Variants in GRIP1 observed in about 807,000 individuals in gnomAD.
The protein encoded by GRIP1 is glutamate receptor-interacting protein 1.
Under a neutral mutation model 129.9 loss-of-function variants are expected in GRIP1, and 45 were observed. That is an observed-to-expected ratio of 0.35 (90% CI 0.27 to 0.44). The LOEUF is 0.44. Among genes scored for constraint, GRIP1 ranks in the 20% least tolerant of loss-of-function variants. The pLI, the probability that GRIP1 is intolerant of heterozygous loss-of-function variation, is 1.00. For missense variants in GRIP1, 1,196 were observed against 1,396.8 expected, an observed-to-expected ratio of 0.86 and a Z score of 2.29; for synonymous variants, 530 against 520.8, an observed-to-expected ratio of 1.02 and a Z score of -0.24.
intron 1 of GRIP1, among the ~76,000 whole-genome samples, chr12:67,066,888 T>TATATATATATATATA (rs2043635570): frequency 8.0e-5 from 10 of 125,658 alleles, no homozygotes; most frequent in East Asian, 2.4e-4. Flanking sequence ...AAATATATAT[T>TATATATATATATATA]TATATATATA....
intron 1 of GRIP1, among the ~76,000 whole-genome samples, chr12:67,010,212 A>G (rs1431303751): frequency 2.6e-5 from 4 of 152,202 alleles, no homozygotes; most frequent in African/African-American, 9.6e-5. Flanking sequence ...ATAAAAGAAA[A>G]AAATTTAAAT....
intron 1 of GRIP1, among the ~76,000 whole-genome samples, chr12:67,011,900 G>T (rs1455838762): frequency 6.6e-6 from 1 of 152,182 alleles, no homozygotes; most frequent in Admixed American, 6.5e-5. Context: ...AAAAGCAAAA[G>T]AACAGGCCTT....
At chr12:66,446,004 C>T (rs940475140) in intron 11 of GRIP1, among the ~76,000 whole-genome samples, 1 of 152,034 alleles carries the variant, frequency 6.6e-6, no homozygotes, top group Non-Finnish European at 1.5e-5. Flanking sequence ...TAAATCTGGC[C>T]CCTGGCGTGG....
At chr12:66,676,789 T>C (rs1379954796) in intron 1 of GRIP1, among the ~76,000 whole-genome samples, 2 of 152,126 alleles carry the variant, frequency 1.3e-5, no homozygotes, top group Non-Finnish European at 2.9e-5. Flanking sequence ...AGAAAGGTCA[T>C]TTTAATATTG....
intron 1 of GRIP1, among the ~76,000 whole-genome samples, chr12:66,889,891 A>G (rs2040628331): frequency 1.3e-5 from 2 of 152,018 alleles, no homozygotes; most frequent in Admixed American, 6.6e-5. Context: ...ATTAAATTTC[A>G]TAGAGAGGTA....
intron 23 of GRIP1, among the ~76,000 whole-genome samples, chr12:66,370,617 C>CA (rs1293557179): frequency 3.3e-5 from 5 of 152,258 alleles, no homozygotes; most frequent in Middle Eastern, 6.8e-3. Flanking sequence ...TTATTAACCA[C>CA]AAAAAATGTC....
intron 1 of GRIP1, among the ~76,000 whole-genome samples, chr12:66,620,831 C>T (rs1030990767): frequency 4.4e-4 from 67 of 151,984 alleles, no homozygotes; most frequent in Non-Finnish European, 5.9e-4. Context: ...AAGAGTGGTG[C>T]ATAAGCTGCT....
At chr12:66,501,681 C>T (rs2060397882) in intron 7 of GRIP1, among the ~76,000 whole-genome samples, 1 of 152,168 alleles carries the variant, frequency 6.6e-6, no homozygotes, top group Non-Finnish European at 1.5e-5. Flanking sequence ...CCTCCCCTGA[C>T]AGAATTCAGT....
intron 1 of GRIP1, among the ~76,000 whole-genome samples, chr12:66,778,691 AAATG>A (rs1455233789): frequency 1.3e-5 from 2 of 152,228 alleles, no homozygotes; most frequent in Admixed American, 1.3e-4. Context: ...AACTGGAGTC[AAATG>A]AAGAAATGAA....
At chr12:66,727,305 C>T (rs572382600) in intron 1 of GRIP1, among the ~76,000 whole-genome samples, 2 of 152,242 alleles carry the variant, frequency 1.3e-5, no homozygotes, top group African/African-American at 2.4e-5. Context: ...GGCAAATATC[C>T]CTGCCTTGTT....
At chr12:66,542,894 C>T (rs567816211) in intron 2 of GRIP1, among the ~76,000 whole-genome samples, 50 of 152,246 alleles carry the variant, frequency 3.3e-4, no homozygotes, top group African/African-American at 1.1e-3. Flanking sequence ...GGGTAATGAA[C>T]TTCTAGAACA....
intron 15 of GRIP1, among the ~76,000 whole-genome samples, chr12:66,407,015 T>A (rs989846385): frequency 6.6e-6 from 1 of 152,028 alleles, no homozygotes; most frequent in Non-Finnish European, 1.5e-5. Context: ...TTGAAAAAAA[T>A]TTTAAGGTCC....
At chr12:66,568,128 T>C in intron 2 of GRIP1, 1 of 280,244 alleles carries the variant, frequency 3.6e-6, no homozygotes, top group African/African-American at 2.2e-5. Context: ...ACATTGTTTT[T>C]GGAAACCCAG....
At chr12:66,444,066 T>C (rs2058545660) in intron 13 of GRIP1, among the ~76,000 whole-genome samples, 1 of 152,236 alleles carries the variant, frequency 6.6e-6, no homozygotes, top group Non-Finnish European at 1.5e-5. Context: ...GTTGTGGCTA[T>C]TATACAATTT....
At chr12:66,776,538 G>A (rs1366438658) in intron 1 of GRIP1, among the ~76,000 whole-genome samples, 3 of 152,156 alleles carry the variant, frequency 2.0e-5, no homozygotes, top group African/African-American at 4.8e-5. Context: ...AAGGGAGAGG[G>A]TGTAAAAAAA....
intron 1 of GRIP1, among the ~76,000 whole-genome samples, chr12:66,633,297 T>TACTAC (rs1166187129): frequency 8.0e-6 from 1 of 124,534 alleles, no homozygotes; most frequent in East Asian, 2.0e-4. Flanking sequence ...TACTATACCA[T>TACTAC]ACTACACTAT....
At chr12:66,899,302 G>C (rs1384709641) in intron 1 of GRIP1, among the ~76,000 whole-genome samples, 1 of 152,068 alleles carries the variant, frequency 6.6e-6, no homozygotes, top group Non-Finnish European at 1.5e-5. Flanking sequence ...AAATGCTGCT[G>C]TCAGGACAGA....
chr12:66,494,998 G>C (rs2060197234), intron 7 of GRIP1, among the ~76,000 whole-genome samples: 1 of 152,120 alleles, frequency 6.6e-6, no homozygotes, highest in Non-Finnish European at 1.5e-5. Context: ...ATAACTATTA[G>C]AGTTAATACA....
chr12:66,378,101 C>CT (rs1318104737), intron 20 of GRIP1, among the ~76,000 whole-genome samples: 1 of 149,506 alleles, frequency 6.7e-6, no homozygotes, highest in East Asian at 1.9e-4. Flanking sequence ...CATGAGGTAT[C>CT]TTTTAAAAAA....
Sources: gnomAD v4.1 joint callset for allele counts (sites outside exome capture counted in the v4.1 genomes callset) on GRCh38, gnomAD v4.1.1 for gene constraint, MANE v1.5 for transcripts, NCBI Gene and HGNC (gene_info 2026-07-23, HGNC 2026-07-21) for gene names.